Variants in PLXNB2 observed in about 807,000 individuals in gnomAD.
The protein encoded by PLXNB2 is plexin-B2.
A neutral mutation model predicts 202.6 loss-of-function variants in PLXNB2; 85 were observed. The observed-to-expected ratio is 0.42, with a 90% CI of 0.35 to 0.50. PLXNB2 has a LOEUF of 0.50. PLXNB2 is among the 20% of genes least tolerant of loss of function. The probability of loss-of-function intolerance (pLI) is 0.02; values close to 1 mark genes in which losing one functional copy is unlikely to be tolerated. For synonymous variants in PLXNB2, 1,239 were observed against 1,137.6 expected (o/e 1.09, Z -1.79); for missense variants, 2,063 against 2,586.2 (o/e 0.80, Z 4.39).
Position 50,280,764 on chromosome 22 carries a change from T to C in PLXNB2, c.3973A>G (p.Ser1325Gly). ...ALYQFSNLLN[S>G]KSFLINFIHT... ...CTCACATTGATGAGGAAAGACTTGCTGTTCAGCAGGTTGGAGAACTGGTAG... is the reference window on the plus strand; with the variant it reads ...CTCACATTGATGAGGAAAGACTTGCCGTTCAGCAGGTTGGAGAACTGGTAG... The change falls in exon 24 of 37, where the codon AGC (serine) becomes GGC (glycine). Residue 1325 changes from serine to glycine, a missense_variant. Physicochemically the swap from Ser to Gly is moderately conservative, Grantham distance 56. This residue lies in a region of PLXNB2 where 760 missense variants were observed against 1,109.4 expected (regional missense o/e 0.69). Transcript: ENST00000359337. The C allele has an allele frequency of 1.9e-6, 3 of 1,547,244 alleles. No homozygotes were observed. The highest frequency in any genetic ancestry group is 2.6e-6 in the Non-Finnish European group (3 of 1,139,004).
chr22:50,281,636 G>A lies in PLXNB2; in HGVS notation c.3452C>T (p.Pro1151Leu). 5 of 1,606,202 alleles carry A rather than the reference G, an allele frequency of 3.1e-6. No individual in the cohort carries two copies. The highest frequency in any genetic ancestry group is 4.3e-6 in the Non-Finnish European group (5 of 1,176,078). Reference sequence around the variant, plus strand: ...CTTGGGCGGGGGCTGCACCTCCGGGGGCTCACAGTACAGGTCGGTCTCCGT... The same window carrying A: ...CTTGGGCGGGGGCTGCACCTCCGGGAGCTCACAGTACAGGTCGGTCTCCGT... ...TLTETDLYCEPPEVQPPPKRR... is the reference protein window; with the variant it reads ...TLTETDLYCELPEVQPPPKRR... Residue 1151 changes from proline to leucine, a missense_variant, in exon 21 of 37, where the codon CCC becomes CTC. Physicochemically the swap from Pro to Leu is moderately conservative, Grantham distance 98. This residue lies in a region of PLXNB2 where 760 missense variants were observed against 1,109.4 expected (regional missense o/e 0.69). Transcript: ENST00000359337.
At position 50,283,769 on chromosome 22, in the gene PLXNB2, G is replaced by T; in HGVS notation, c.2422-19C>A. On this transcript the variant is annotated intron_variant, in intron 14 of 36. Coordinates refer to ENST00000359337, the MANE Select transcript of PLXNB2 (RefSeq NM_012401.4). ...GCTGGATCTGAAACCACAGAGCCGG[G>T]TGAGCAGGGAGGGGCTCATGCCAGG... The T allele has an allele frequency of 6.2e-7, 1 of 1,613,178 alleles. No homozygotes were observed. Among genetic ancestry groups the T allele is most frequent in the South Asian group, 1.1e-5 (1 of 91,070 alleles).
intron 1 of PLXNB2, among the ~76,000 whole-genome samples, chr22:50,296,399 T>C (rs1169559628): frequency 6.9e-6 from 1 of 144,886 alleles, no homozygotes; most frequent in African/African-American, 2.9e-5. Flanking sequence ...GACTCTAAGA[T>C]TAAAGCAAAA....
At chr22:50,296,590 C>CAAAAAAAAAA (rs34197202) in intron 1 of PLXNB2, among the ~76,000 whole-genome samples, 3 of 56,456 alleles carry the variant, frequency 5.3e-5, no homozygotes, top group African/African-American at 1.4e-4. Context: ...GACTCTGTCT[C>CAAAAAAAAAA]AAAAAAAAAA....
chr22:50,276,424 A>ACGGCCGTGGATGGAGTGACAGGGAGG (rs1569154907), intron 35 of PLXNB2, among the ~76,000 whole-genome samples: 1 of 151,888 alleles, frequency 6.6e-6, no homozygotes, highest in African/African-American at 2.4e-5. Flanking sequence ...CGCTGTGGGC[A>ACGGCCGTGGATGGAGTGACAGGGAGG]GGGCCTGGCT....
intron 2 of PLXNB2, among the ~76,000 whole-genome samples, chr22:50,292,337 C>CA (rs533891085): frequency 0.083 from 5,821 of 70,106 alleles, 478 homozygotes; most frequent in African/African-American, 0.21. Flanking sequence ...GACTCTGTCT[C>CA]AAAAAAAAAA....
Position 50,290,117 on chromosome 22 carries a change from C to A in PLXNB2, c.468G>T (p.Leu156=). The change falls in exon 3 of 37, where the codon CTG becomes CTT. Residue 156 remains leucine, a synonymous_variant. Coordinates refer to ENST00000359337, the MANE Select transcript of PLXNB2 (RefSeq NM_012401.4). ...SNDEGVATVG[L]VSSTGPGGDR... is the part of the protein sequence containing the mutation. ...CACCACCAGGACCCGTGGAGCTCAC[C>A]AGCCCCACTGTGGCCACGCCCTCAT... is the stretch of plus-strand genomic sequence containing the variant. 6.2e-7 allele frequency: 1 copy of A among 1,613,096 alleles called. No homozygotes were observed. The highest frequency in any genetic ancestry group is 8.5e-7 in the Non-Finnish European group (1 of 1,179,990).
At chr22:50,276,051 C>G in intron 35 of PLXNB2, 88 bp from the exon 36 acceptor site, 2 of 1,298,360 alleles carry the variant, frequency 1.5e-6, no homozygotes, top group Non-Finnish European at 2.2e-6. Flanking sequence ...CAGGACGAGG[C>G]CTCCCCGGGG....
chr22:50,293,628 G>A (rs1049566948), intron 2 of PLXNB2, among the ~76,000 whole-genome samples: 1 of 152,256 alleles, frequency 6.6e-6, no homozygotes, highest in South Asian at 2.1e-4. Context: ...GGGAATGCGG[G>A]GGCAGCGCGG....
At position 50,291,643 on chromosome 22, in the gene PLXNB2, G is replaced by A. The variant is rs2066875656; in HGVS notation, c.-13-1046C>T. Among the ~76,000 whole-genome samples, 2 of 152,044 alleles carry A rather than the reference G, an allele frequency of 1.3e-5. No individual in the cohort carries two copies. Among genetic ancestry groups the A allele is most frequent in the Non-Finnish European group, 2.9e-5 (2 of 68,002 alleles). On this transcript the variant is annotated intron_variant, in intron 2 of 36. Transcript: ENST00000359337. The surrounding 1 kb of genome is among the most constrained non-coding windows in gnomAD (Gnocchi z 4.3). ...CTCAGACACAAGTGGCAGAGACAGG[G>A]CCCTTCTGCCTCTGAGCTCTTCCTC...
chr22:50,283,316 T>C (rs774944039), intron 16 of PLXNB2, 21 bp downstream of exon 16: 1 of 1,608,740 alleles, frequency 6.2e-7, no homozygotes, highest in Non-Finnish European at 8.5e-7. Context: ...GTTCGGCAGG[T>C]CCCCGAGGCC....
intron 1 of PLXNB2, among the ~76,000 whole-genome samples, chr22:50,301,051 C>T (rs530130663): frequency 1.4e-4 from 21 of 152,304 alleles, no homozygotes; most frequent in Admixed American, 6.5e-5. Context: ...GACTGGGGCC[C>T]CAGGCTGCCC....
intron 1 of PLXNB2, among the ~76,000 whole-genome samples, chr22:50,298,001 C>T (rs1174736938): frequency 6.6e-6 from 1 of 152,216 alleles, no homozygotes; most frequent in Non-Finnish European, 1.5e-5. Flanking sequence ...GACACCCTCC[C>T]TAACCCAGCC....
chr22:50,303,228 G>A (rs938278026), intron 1 of PLXNB2, among the ~76,000 whole-genome samples: 6 of 152,196 alleles, frequency 3.9e-5, no homozygotes, highest in African/African-American at 1.4e-4. Flanking sequence ...GGCAAATGCA[G>A]TGACAATCAC....
rs1161549412 is a variant in PLXNB2 at position 50,286,085 on chromosome 22, C to T, written c.1891G>A (p.Val631Met). The T allele has an allele frequency of 3.1e-6, 5 of 1,611,940 alleles. No individual in the cohort carries two copies. Among genetic ancestry groups the T allele is most frequent in the East Asian group, 2.2e-5 (1 of 44,886 alleles). Reference protein sequence around the residue: ...LEENLPCISCVSNRWTCQWDL... With the variant: ...LEENLPCISCMSNRWTCQWDL... ...CACTGGCAGGTCCAGCGGTTGCTCA[C>T]GCAGGAGATGCACCTGCATCCAGAG... Residue 631 changes from valine (V) to methionine (M), a missense_variant, in exon 10 of 37, where the codon GTG becomes ATG. Transcript: ENST00000359337.
intron 1 of PLXNB2, among the ~76,000 whole-genome samples, chr22:50,295,885 C>T (rs774266499): frequency 7.2e-5 from 11 of 152,054 alleles, no homozygotes; most frequent in Non-Finnish European, 1.3e-4. Flanking sequence ...GGGCGGATCA[C>T]GAGGTCAGGA....
In PLXNB2 at chr22:50,289,752, G is replaced by A; in HGVS notation, c.833C>T (p.Thr278Ile). 6.2e-7 allele frequency: 1 copy of A among 1,612,786 alleles called. No individual in the cohort carries two copies. Among genetic ancestry groups the A allele is most frequent in the Non-Finnish European group, 8.5e-7 (1 of 1,179,998 alleles). ...DPDIHAAAFG[T>I]CLAASVAAPG... ...CGCAGCCACGGAGGCGGCCAGGCAG[G>A]TGCCAAAGGCAGCGGCGTGGATGTC... The change falls in exon 3 of 37, where the codon ACC becomes ATC. Residue 278 changes from threonine (T) to isoleucine (I), a missense_variant. Around this residue, in one of 2 missense-constraint regions of PLXNB2, gnomAD observed 1,303 missense variants for 1,476.8 expected, o/e 0.88. Transcript: ENST00000359337. This position sits in a 1 kb window ranked among gnomAD's most constrained non-coding sequence, Gnocchi z 8.0.
intron 1 of PLXNB2, among the ~76,000 whole-genome samples, chr22:50,300,543 TGGGGCGGGGCGGGGC>T (rs534132950): frequency 1.3e-5 from 2 of 152,000 alleles, no homozygotes; most frequent in African/African-American, 2.4e-5. Context: ...ACCTAGGAGC[TGGGGCGGGGCGGGGC>T]GGGGCGGGGC....
At position 50,284,322 on chromosome 22, in the gene PLXNB2, G is replaced by T; in HGVS notation, c.2182-109C>A. The T allele has an allele frequency of 3.8e-6, 4 of 1,062,160 alleles. No homozygotes were observed. In the South Asian group the frequency reaches 5.1e-5, roughly 14 times the overall value. The allele number at this position is 1,062,160 out of a possible 1,614,324, so 65.8% of individuals were successfully genotyped here. Reference sequence around the variant, plus strand: ...GCCACCGGGTCCCTTCCCAGCCAAGGGCAGCAGGGGAGGCCTTCAGGTGTC... The same window carrying T: ...GCCACCGGGTCCCTTCCCAGCCAAGTGCAGCAGGGGAGGCCTTCAGGTGTC... On this transcript the variant is annotated intron_variant, in intron 12 of 36. Transcript: ENST00000359337. The surrounding 1 kb of genome is among the most constrained non-coding windows in gnomAD (Gnocchi z 8.0).
Sources: gnomAD v4.1 joint callset for allele counts (sites outside exome capture counted in the v4.1 genomes callset) on GRCh38, gnomAD v4.1.1 for gene constraint, gnomAD v4.1.1 regional missense constraint, Gnocchi (gnomAD v3.1) non-coding constraint, MANE v1.5 for transcripts, NCBI Gene and HGNC (gene_info 2026-07-23, HGNC 2026-07-21) for gene names.